The following PM20D1 variants were observed in gnomAD, a reference collection of about 807,000 sequenced individuals.
The protein encoded by PM20D1 is peptidase M20 domain containing 1, also known as N-fatty-acyl-amino acid synthase/hydrolase PM20D1.
Under a neutral mutation model 53.8 loss-of-function variants are expected in PM20D1, and 53 were observed. That is an observed-to-expected ratio of 0.98 (90% confidence interval 0.79 to 1.24). The LOEUF (loss-of-function observed/expected upper bound fraction) is 1.24. Among genes scored for constraint, PM20D1 ranks in the 50% most tolerant of loss-of-function variants. PM20D1 has a pLI of 0.00. For missense variants in PM20D1, 564 were observed against 616.8 expected (o/e 0.91, Z 0.91); for synonymous variants, 239 against 241.3 (o/e 0.99, Z 0.09).
At chr1:205,837,523 C>T (rs746935716) in intron 10 of PM20D1, among the ~76,000 whole-genome samples, 8 of 152,196 alleles carry the variant, frequency 5.3e-5, no homozygotes, top group Non-Finnish European at 8.8e-5. Flanking sequence ...ACTCTGGGGG[C>T]GGCCTGTGTT....
At chr1:205,842,560 G>T in intron 7 of PM20D1, 116 bp downstream of exon 7, 1 of 1,030,022 alleles carries the variant, frequency 9.7e-7, no homozygotes, top group Non-Finnish European at 1.5e-6. Flanking sequence ...CTGGGAATAG[G>T]TGAGAATAGG....
At chr1:205,844,970 T>C in intron 3 of PM20D1, 73 bp from the exon 4 acceptor site, 1 of 1,324,090 alleles carries the variant, frequency 7.6e-7, no homozygotes, top group Non-Finnish European at 1.1e-6. Flanking sequence ...TCAGAGACAT[T>C]CAGTTGCCTG....
At chr1:205,849,842 T>A in intron 1 of PM20D1, 62 bp downstream of exon 1, 1 of 1,528,924 alleles carries the variant, frequency 6.5e-7, no homozygotes, top group South Asian at 1.3e-5. Flanking sequence ...GAGTCACGGG[T>A]TGACCTGGGG....
chr1:205,845,252 C>T, intron 3 of PM20D1, 73 bp downstream of exon 3: 1 of 1,451,848 alleles, frequency 6.9e-7, no homozygotes, highest in Non-Finnish European at 9.6e-7. Context: ...TCCCACCTCC[C>T]AGGGTCAGCC....
At chr1:205,831,397 G>A (rs1217822116) in intron 11 of PM20D1, among the ~76,000 whole-genome samples, 1 of 152,144 alleles carries the variant, frequency 6.6e-6, no homozygotes, top group Non-Finnish European at 1.5e-5. Context: ...GAATAGAGTA[G>A]GTAGCCTTTG....
At chr1:205,843,571 T>A in intron 6 of PM20D1, 96 bp downstream of exon 6, 4 of 1,501,568 alleles carry the variant, frequency 2.7e-6, no homozygotes, top group Non-Finnish European at 3.6e-6. Flanking sequence ...AGCCCAACTT[T>A]AGGGCAGGAA....
chr1:205,833,228 C>T (rs957420724), intron 10 of PM20D1, among the ~76,000 whole-genome samples: 2 of 152,200 alleles, frequency 1.3e-5, no homozygotes, highest in African/African-American at 2.4e-5. Flanking sequence ...GATATCCCTT[C>T]GATGGAAAGT....
intron 8 of PM20D1, 60 bp downstream of exon 8, chr1:205,842,094 G>GC (rs1435703967): frequency 1.5e-5 from 22 of 1,516,268 alleles, no homozygotes; most frequent in Non-Finnish European, 1.9e-5. Context: ...AAGGAGAGGG[G>GC]CCTGGGGGGT....
chr1:205,835,562 GA>G (rs1656665376), intron 10 of PM20D1, among the ~76,000 whole-genome samples: 1 of 140,326 alleles, frequency 7.1e-6, no homozygotes, highest in Admixed American at 7.9e-5. Context: ...TGAGGCAGGA[GA>G]ATGGCATGAA....
intron 1 of PM20D1, 152 bp downstream of exon 1, chr1:205,849,752 C>T: frequency 2.1e-6 from 2 of 953,086 alleles, no homozygotes; most frequent in Non-Finnish European, 3.0e-6. Flanking sequence ...GCACGATGTG[C>T]TGGGAAGGGT....
In PM20D1 at chr1:205,845,606, T is replaced by G. The variant is rs565958975; in HGVS notation, c.257-49A>C. ...AGAGAACCAGGGTTAACAGTTTCCT[T>G]AGGTTTTCCTACCAAGTTGTGCTTC... On this transcript the variant is annotated intron_variant, in intron 2 of 12. Coordinates refer to ENST00000367136, the MANE Select transcript of PM20D1 (RefSeq NM_152491.5). The G allele has an allele frequency of 9.7e-5, 144 of 1,490,504 alleles. 1 individual carries two copies. The Middle Eastern group carries it at 1.9e-3, about 20-fold the overall frequency. 92.3% of individuals were successfully genotyped at this position (1,490,504 alleles called of 1,614,324 possible). A position where few individuals can be genotyped will look rare whatever the true frequency, so the allele number is the denominator to read the frequency against.
Position 205,844,197 on chromosome 1 carries a change from C to T in PM20D1, c.597G>A (p.Gln199=), listed in dbSNP as rs1271905411. Residue 199 remains glutamine, a synonymous_variant, in exon 5 of 13, where the codon CAG becomes CAA. Coordinates refer to ENST00000367136, the MANE Select transcript of PM20D1 (RefSeq NM_152491.5). The part of the protein sequence containing the change: ...HDEESSGTGA[Q]RISALLQSRG... Reference sequence around the variant, plus strand: ...TTGACTGTAGCAGGGCTGAGATCCTCTGAGCCCCTGTCCCTGATGACTGCA... The same window carrying T: ...TTGACTGTAGCAGGGCTGAGATCCTTTGAGCCCCTGTCCCTGATGACTGCA... The T allele has an allele frequency of 2.5e-6, 4 of 1,612,462 alleles. No individual in the cohort carries two copies. In the African/African-American group the frequency reaches 5.3e-5, roughly 22 times the overall value.
chr1:205,828,713 G>T lies in PM20D1; in HGVS notation c.1416C>A (p.Val472=), dbSNP rs1000119022. The T allele has an allele frequency of 2.5e-6, 4 of 1,613,998 alleles. No individual in the cohort carries two copies. In the African/African-American group the frequency reaches 5.3e-5, roughly 22 times the overall value. ...ATTTCACTTGGGTCTCATAGGCTTGGACTGAGATTTTCTCGTTGACTCCAT... is the reference window on the plus strand; with the variant it reads ...ATTTCACTTGGGTCTCATAGGCTTGTACTGAGATTTTCTCGTTGACTCCAT... ...RIHGVNEKIS[V]QAYETQVKFI... is the part of the protein sequence containing the mutation. The change falls in exon 13 of 13, where the codon GTC becomes GTA. Residue 472 remains valine (V), a synonymous_variant. Transcript: ENST00000367136.
intron 6 of PM20D1, 96 bp from the exon 7 acceptor site, chr1:205,842,847 G>T: frequency 1.8e-6 from 2 of 1,088,284 alleles, no homozygotes; most frequent in Admixed American, 1.8e-5. Flanking sequence ...AAGTTTCAAC[G>T]CTCCTGGCCA....
chr1:205,836,901 G>A (rs1656697845), intron 10 of PM20D1, among the ~76,000 whole-genome samples: 1 of 152,154 alleles, frequency 6.6e-6, no homozygotes, highest in Non-Finnish European at 1.5e-5. Context: ...GTCAAAATTA[G>A]AGGGCATCTG....
intron 3 of PM20D1, 144 bp from the exon 4 acceptor site, chr1:205,845,041 G>A: frequency 1.4e-6 from 1 of 714,222 alleles, no homozygotes; most frequent in Non-Finnish European, 2.3e-6. Context: ...AGATTCAAAT[G>A]GTACAGGGGA....
chr1:205,829,558 A>C (rs1466365499), intron 12 of PM20D1, among the ~76,000 whole-genome samples: 1 of 152,204 alleles, frequency 6.6e-6, no homozygotes, highest in Non-Finnish European at 1.5e-5. Flanking sequence ...AAAACAAACA[A>C]CAACCAAACT....
In PM20D1 at chr1:205,850,126, C is replaced by T. The variant is rs915022649; in HGVS notation, c.-54G>A. 1 of 1,562,388 alleles carries T rather than the reference C, an allele frequency of 6.4e-7. No individual in the cohort carries two copies. The highest frequency in any genetic ancestry group is 1.4e-5 in the African/African-American group (1 of 73,498). ...ACCGGGGTAGTTCTGACCTAAACGC[C>T]CAGACTAGCGTTTCTTGGCCCTAGC... On this transcript the variant is annotated 5_prime_UTR_variant, in exon 1 of 13. Coordinates refer to ENST00000367136, the MANE Select transcript of PM20D1 (RefSeq NM_152491.5).
At chr1:205,842,650 G>A (rs531818389) in intron 7 of PM20D1, 26 bp downstream of exon 7, 7 of 1,608,124 alleles carry the variant, frequency 4.4e-6, no homozygotes, top group African/African-American at 2.7e-5. Context: ...TAGCTGATTA[G>A]GAGTATGTGA....
Sources: allele counts gnomAD v4.1 joint callset (sites outside exome capture counted in the v4.1 genomes callset), GRCh38; gene constraint gnomAD v4.1.1; transcripts MANE v1.5; gene names NCBI Gene and HGNC (gene_info 2026-07-23, HGNC 2026-07-21).